The following TRPC5 variants were observed in gnomAD, a reference collection of about 807,000 sequenced individuals.
TRPC5 encodes transient receptor potential cation channel subfamily C member 5.
A neutral mutation model predicts 56.5 loss-of-function variants in TRPC5; 9 were observed. The observed-to-expected ratio is 0.16, with a 90% CI of 0.10 to 0.28. TRPC5 has a LOEUF of 0.28. Among genes scored for constraint, TRPC5 ranks in the 10% least tolerant of loss-of-function variants. The probability of loss-of-function intolerance (pLI) is 1.00; values close to 1 mark genes in which losing one functional copy is unlikely to be tolerated. For synonymous variants in TRPC5, 282 were observed against 278.5 expected (o/e 1.01, Z -0.13); for missense variants, 469 against 748.9 (o/e 0.63, Z 4.36).
intron 1 of TRPC5, among the ~76,000 whole-genome samples, chrX:112,047,935 G>A (rs1250712460): frequency 8.9e-6 from 1 of 112,108 alleles, no homozygotes; most frequent in African/African-American, 3.2e-5. Flanking sequence ...TTTAATGCCC[G>A]CTGTTTCTAC....
chrX:111,920,156 T>C (rs182522922), intron 2 of TRPC5, among the ~76,000 whole-genome samples: 44 of 110,967 alleles, frequency 4.0e-4, no homozygotes, highest in African/African-American at 1.4e-3. Flanking sequence ...GCACCTGTAA[T>C]CCCATCTACT....
At chrX:111,920,773 G>A (rs1926106932) in intron 2 of TRPC5, among the ~76,000 whole-genome samples, 1 of 111,628 alleles carries the variant, frequency 9.0e-6, no homozygotes, top group African/African-American at 3.3e-5. Flanking sequence ...TTTGGTGAAG[G>A]TCTTTCTCAG....
At chrX:111,960,173 C>T (rs1173591335) in intron 1 of TRPC5, among the ~76,000 whole-genome samples, 4 of 111,843 alleles carry the variant, frequency 3.6e-5, no homozygotes, top group Non-Finnish European at 7.5e-5. Flanking sequence ...TTGGATAGTG[C>T]CAAATGACCC....
At position 111,909,163 on chromosome X, in the gene TRPC5, AAAAAAAAAAAC is replaced by A. The variant is rs1205311595; in HGVS notation, c.900+3117_900+3127del. Among the ~76,000 whole-genome samples, 76 of 92,748 alleles carry A rather than the reference AAAAAAAAAAAC, an allele frequency of 8.2e-4. 1 individual carries two copies. In the East Asian group the frequency reaches 0.023, roughly 28 times the overall value. 80.5% of individuals were successfully genotyped at this position (92,748 alleles called of 115,157 possible). A position where few individuals can be genotyped will look rare whatever the true frequency, so the allele number is the denominator to read the frequency against. The stretch of plus-strand genomic sequence containing the variant: ...ATAAATAAATTAATTAAAAAAAAAA[AAAAAAAAAAAC>A]CAAAAATTTTCTGGGTGTGGTGGTG... On this transcript the variant is annotated intron_variant, in intron 3 of 10. Transcript: ENST00000262839.
chrX:111,949,534 A>T (rs1224904095), intron 2 of TRPC5, among the ~76,000 whole-genome samples: 2 of 112,080 alleles, frequency 1.8e-5, no homozygotes, highest in Admixed American at 1.9e-4. Context: ...TGGGCTAAGG[A>T]CCTGAATAGA....
chrX:111,952,383 G>A lies in TRPC5; in HGVS notation c.38C>T (p.Pro13Leu), dbSNP rs1450691471. Residue 13 changes from proline to leucine, a missense_variant, in exon 2 of 11, where the codon CCG becomes CTG. Pro to Leu is a moderately conservative substitution (Grantham distance 98). This residue lies in a region of TRPC5 where 118 missense variants were observed against 167.1 expected (regional missense o/e 0.71). Coordinates refer to ENST00000262839, the MANE Select transcript of TRPC5 (RefSeq NM_012471.3). Reference sequence around the variant, plus strand: ...TTGCAGGGGGATGCGGTCTCTGTACGGTGAGTAGTTGACCTTTTTGTAGTA... The same window carrying A: ...TTGCAGGGGGATGCGGTCTCTGTACAGTGAGTAGTTGACCTTTTTGTAGTA... ...QLYYKKVNYS[P>L]YRDRIPLQIV... 9 of 1,209,639 alleles carry A rather than the reference G, an allele frequency of 7.4e-6. No individual in the cohort carries two copies. Among genetic ancestry groups the A allele is most frequent in the South Asian group, 1.8e-5 (1 of 56,482 alleles).
intron 2 of TRPC5, among the ~76,000 whole-genome samples, chrX:111,921,112 C>T (rs1180570851): frequency 9.9e-5 from 11 of 111,557 alleles, no homozygotes; most frequent in Non-Finnish European, 1.1e-4. Context: ...TTTCCAATAG[C>T]CTGTATCATG....
At chrX:112,080,999 C>T (rs1163544553) in intron 1 of TRPC5, among the ~76,000 whole-genome samples, 2 of 112,151 alleles carry the variant, frequency 1.8e-5, no homozygotes, top group African/African-American at 6.5e-5. Flanking sequence ...ATAATAAACT[C>T]GGGTAAAGTT....
At chrX:111,836,760 A>AT (rs1922575181) in intron 6 of TRPC5, among the ~76,000 whole-genome samples, 1 of 112,720 alleles carries the variant, frequency 8.9e-6, no homozygotes, top group Admixed American at 9.4e-5. Context: ...TAGGGACTAA[A>AT]TGACATTTAT....
At chrX:111,959,590 T>C (rs938557194) in intron 1 of TRPC5, among the ~76,000 whole-genome samples, 4 of 111,819 alleles carry the variant, frequency 3.6e-5, no homozygotes, top group Admixed American at 9.5e-5. Context: ...GTGAGGGCGA[T>C]GGGACATAAT....
intron 3 of TRPC5, among the ~76,000 whole-genome samples, chrX:111,885,276 C>T (rs370264470): frequency 5.4e-5 from 6 of 112,130 alleles, no homozygotes; most frequent in African/African-American, 1.9e-4. Context: ...CCTATTTAAC[C>T]CAGTTAGGTC....
chrX:111,994,083 A>G (rs1056366322), intron 1 of TRPC5, among the ~76,000 whole-genome samples: 4 of 111,762 alleles, frequency 3.6e-5, no homozygotes, highest in Non-Finnish European at 5.6e-5. Context: ...TTTTGTATAA[A>G]GTGTAAGTAA....
rs533194387 is a variant in TRPC5 at position 111,880,003 on chromosome X, A to G, written c.901-25897T>C. Among the ~76,000 whole-genome samples, 147 of 112,123 alleles carry G rather than the reference A, an allele frequency of 1.3e-3. No homozygotes were observed. The South Asian group carries it at 0.018, about 13-fold the overall frequency. ...AAAAAATATAAATGACTTTCTCAGA[A>G]TGACGTGGTAGTGGTGGTGGTGATG... On this transcript the variant is annotated intron_variant, in intron 3 of 10. Transcript: ENST00000262839.
intron 2 of TRPC5, among the ~76,000 whole-genome samples, chrX:111,926,267 T>G (rs1303042894): frequency 9.0e-6 from 1 of 111,208 alleles, no homozygotes; most frequent in African/African-American, 3.3e-5. Flanking sequence ...AAGGAGAGAG[T>G]AAGAATGCCC....
intron 1 of TRPC5, among the ~76,000 whole-genome samples, chrX:111,970,627 T>C (rs968454740): frequency 4.5e-5 from 5 of 111,734 alleles, no homozygotes; most frequent in African/African-American, 1.3e-4. Context: ...GAAAAACTTA[T>C]CAGGGAACAT....
At chrX:111,940,436 A>G (rs1346172013) in intron 2 of TRPC5, among the ~76,000 whole-genome samples, 1 of 111,437 alleles carries the variant, frequency 9.0e-6, no homozygotes, top group East Asian at 2.8e-4. Flanking sequence ...CACGCCTGTA[A>G]TCCCAACACT....
At chrX:111,992,578 T>C (rs1307883240) in intron 1 of TRPC5, among the ~76,000 whole-genome samples, 1 of 105,018 alleles carries the variant, frequency 9.5e-6, no homozygotes, top group African/African-American at 3.8e-5. Flanking sequence ...ATGGGAATTG[T>C]TTTTTAAAAC....
chrX:111,966,249 A>G (rs184211000), intron 1 of TRPC5, among the ~76,000 whole-genome samples: 101 of 111,750 alleles, frequency 9.0e-4, no homozygotes, highest in African/African-American at 2.9e-3. Context: ...TAAATTCCTC[A>G]ACACATACAC....
At chrX:111,879,761 A>G (rs1924117952) in intron 3 of TRPC5, among the ~76,000 whole-genome samples, 1 of 112,705 alleles carries the variant, frequency 8.9e-6, no homozygotes, top group Non-Finnish European at 1.9e-5. Flanking sequence ...AGAAAGAAAT[A>G]TGAGGCTCAT....
Sources: gnomAD v4.1 joint callset for allele counts (sites outside exome capture counted in the v4.1 genomes callset) on GRCh38, gnomAD v4.1.1 for gene constraint, gnomAD v4.1.1 regional missense constraint, MANE v1.5 for transcripts, NCBI Gene and HGNC (gene_info 2026-07-23, HGNC 2026-07-21) for gene names.